Variants in ZNF850 observed in about 807,000 individuals in gnomAD.
ZNF850 encodes putative zinc finger protein ENSP00000330994.
ZNF850 carries 2 observed loss-of-function variants against 11.9 expected under a neutral mutation model. That is an observed-to-expected ratio of 0.17 (90% CI 0.07 to 0.53). The LOEUF (loss-of-function observed/expected upper bound fraction) is 0.53. Ranked by LOEUF, ZNF850 falls within the 20% of genes least tolerant of loss-of-function variation. The pLI is 0.94. For synonymous variants in ZNF850, 381 were observed against 443.0 expected (o/e 0.86, Z 1.76); for missense variants, 1,014 against 1,316.4 (o/e 0.77, Z 3.55).
Position 36,749,171 on chromosome 19 carries a change from C to G in ZNF850, c.1869G>C (p.Gly623=), listed in dbSNP as rs753114385. ...GEKPYDCKEC[G]KAFRLRLRLT... The stretch of plus-strand genomic sequence containing the variant: ...GTCGTAAACGAAGTCTAAAGGCCTT[C>G]CCACATTCCTTACAATCATAAGGTT... The change falls in exon 5 of 5, where the codon GGG becomes GGC. Residue 623 remains glycine, a synonymous_variant. Transcript: ENST00000591344. 1.2e-5 allele frequency: 19 copies of G among 1,605,754 alleles called. No individual in the cohort carries two copies. The East Asian group carries it at 4.3e-4, about 36-fold the overall frequency.
intron 4 of ZNF850, among the ~76,000 whole-genome samples, chr19:36,755,991 C>T (rs1024154688): frequency 6.7e-6 from 1 of 149,590 alleles, no homozygotes; most frequent in East Asian, 2.0e-4. Context: ...CTGCAACCTC[C>T]GCTTCCTGGT....
chr19:36,761,907 A>C (rs2040520689), intron 3 of ZNF850, among the ~76,000 whole-genome samples, 169 bp from the exon 4 acceptor site: 1 of 151,894 alleles, frequency 6.6e-6, no homozygotes, highest in Admixed American at 6.6e-5. Context: ...TTGGCTGGGC[A>C]TGGTGGTGGG....
At position 36,750,237 on chromosome 19, in the gene ZNF850, A is replaced by G. The variant is rs1169043191; in HGVS notation, c.803T>C (p.Leu268Pro). The G allele has an allele frequency of 6.5e-7, 1 of 1,538,430 alleles. No homozygotes were observed. The highest frequency in any genetic ancestry group is 8.7e-7 in the Non-Finnish European group (1 of 1,146,866). The change falls in exon 5 of 5, where the codon CTT (leucine) becomes CCT (proline). Residue 268 changes from leucine (L) to proline (P), a missense_variant. Physicochemically the swap from Leu to Pro is moderately conservative, Grantham distance 98. This residue lies in a region of ZNF850 where 835 missense variants were observed against 1,022.0 expected (regional missense o/e 0.82). Coordinates refer to ENST00000591344, the MANE Select transcript of ZNF850 (RefSeq NM_001193552.2). ...AGTATGAATTCTCCAATGTTGAATA[A>G]GATGTGCAGACGGTCTAAAGGCCTT... ...SVKAFRPSAH[L>P]IQHWRIHTGD...
intron 1 of ZNF850, among the ~76,000 whole-genome samples, chr19:36,770,700 C>A (rs1426890197): frequency 3.5e-5 from 1 of 28,674 alleles, no homozygotes; most frequent in Non-Finnish European, 7.4e-5. Flanking sequence ...AGAGAGACTC[C>A]ATCAAAAAAA....
At position 36,749,195 on chromosome 19, in the gene ZNF850, T is replaced by A; in HGVS notation, c.1845A>T (p.Lys615Asn). The change falls in exon 5 of 5, where the codon AAA (lysine) becomes AAT (asparagine). Residue 615 changes from lysine (K) to asparagine (N), a missense_variant. Transcript: ENST00000591344. ...TCCCACATTCCTTACAATCATAAGG[T>A]TTCTCACCAGTGTGAATTTGCTGAT... ...LQHQQIHTGE[K>N]PYDCKECGKA... 6.2e-7 allele frequency: 1 copy of A among 1,604,528 alleles called. No individual in the cohort carries two copies. The highest frequency in any genetic ancestry group is 1.1e-5 in the South Asian group (1 of 90,226).
At position 36,748,704 on chromosome 19, in the gene ZNF850, T is replaced by C. The variant is rs1475981592; in HGVS notation, c.2336A>G (p.His779Arg). The C allele has an allele frequency of 1.9e-6, 3 of 1,538,918 alleles. No homozygotes were observed. The highest frequency in any genetic ancestry group is 2.6e-6 in the Non-Finnish European group (3 of 1,147,372). Residue 779 changes from histidine (H) to arginine (R), a missense_variant, in exon 5 of 5, where the codon CAC (histidine) becomes CGC (arginine). Around this residue, in one of 2 missense-constraint regions of ZNF850, gnomAD observed 835 missense variants for 1,022.0 expected, o/e 0.82. Transcript: ENST00000591344. ...HSTLIQHQQI[H>R]TGEKLYDCKE... ...ACAATCATAGAGCTTCTCACCAGTGTGTATTTGCTGATGTTGAATTAGTGT... is the reference window on the plus strand; with the variant it reads ...ACAATCATAGAGCTTCTCACCAGTGCGTATTTGCTGATGTTGAATTAGTGT...
In ZNF850 at chr19:36,749,000, C is replaced by T. The variant is rs752451563; in HGVS notation, c.2040G>A (p.Lys680=). 4.0e-5 allele frequency: 64 copies of T among 1,606,230 alleles called. No homozygotes were observed. In the African/African-American group the frequency reaches 8.1e-4, roughly 20 times the overall value. ...EKPYECPDCG[K]AFRQRTYLNQ... ...TAAGGTATGTACGCTGTCTAAAGGC[C>T]TTCCCACAGTCCGGACATTCATAGG... Residue 680 remains lysine, a synonymous_variant, in exon 5 of 5, where the codon AAG becomes AAA. Transcript: ENST00000591344.
At chr19:36,752,375 CA>C (rs982309049) in intron 4 of ZNF850, among the ~76,000 whole-genome samples, 3 of 152,076 alleles carry the variant, frequency 2.0e-5, no homozygotes, top group Non-Finnish European at 4.4e-5. Context: ...AGGGTCATGT[CA>C]AAAAGACTCA....
chr19:36,751,063 C>CT (rs1205394026), intron 4 of ZNF850, among the ~76,000 whole-genome samples: 2 of 76,636 alleles, frequency 2.6e-5, no homozygotes, highest in Non-Finnish European at 4.9e-5. Context: ...AAGACCCTGT[C>CT]TTAAAAAAAA....
At position 36,748,112 on chromosome 19, in the gene ZNF850, G is replaced by C. The variant is rs752726324; in HGVS notation, c.2928C>G (p.Thr976=). ...THLTLHQRIH[T]GDRPYECKEC... is the part of the protein sequence containing the mutation. ...CTTTACATTCATAAGGTCTGTCACC[G>C]GTATGAATTCTCTGATGTAGAGTAA... The change falls in exon 5 of 5, where the codon ACC becomes ACG. Residue 976 remains threonine, a synonymous_variant. Transcript: ENST00000591344. 1 of 1,548,514 alleles carries C rather than the reference G, an allele frequency of 6.5e-7. No individual in the cohort carries two copies. Among genetic ancestry groups the C allele is most frequent in the Non-Finnish European group, 8.7e-7 (1 of 1,150,242 alleles).
intron 1 of ZNF850, among the ~76,000 whole-genome samples, 186 bp from the exon 2 acceptor site, chr19:36,762,861 G>GA (rs2040527402): frequency 6.8e-6 from 1 of 146,580 alleles, no homozygotes; most frequent in African/African-American, 2.5e-5. Context: ...TTTCTTTCTT[G>GA]TTTTTTTTTT....
rs1305001623 is a variant in ZNF850, at chr19:36,744,501, C to T, written c.*3266G>A. 2 of 151,872 alleles carry T rather than the reference C, an allele frequency of 1.3e-5. No individual in the cohort carries two copies. Among genetic ancestry groups the T allele is most frequent in the African/African-American group, 4.8e-5 (2 of 41,308 alleles). The allele number at this position is 151,872 out of a possible 1,614,324, so 9.4% of individuals were successfully genotyped here. On this transcript the variant is annotated 3_prime_UTR_variant, in exon 5 of 5. Coordinates refer to ENST00000591344, the MANE Select transcript of ZNF850 (RefSeq NM_001193552.2). ...AATTAGCTAGGTGTGGTGGTGTGCG[C>T]CTGTAGTCCTTGCTACTCGGGAGGC...
rs2040429161 is a variant in ZNF850 at position 36,748,633 on chromosome 19, G to A, written c.2407C>T (p.His803Tyr). 1.3e-6 allele frequency: 2 copies of A among 1,537,164 alleles called. No individual in the cohort carries two copies. The highest frequency in any genetic ancestry group is 2.7e-5 in the African/African-American group (2 of 73,050). The change falls in exon 5 of 5, where the codon CAT becomes TAT. Residue 803 changes from histidine to tyrosine, a missense_variant. By Grantham distance (83) the His-to-Tyr change is moderately conservative. Around this residue, in one of 2 missense-constraint regions of ZNF850, gnomAD observed 835 missense variants for 1,022.0 expected, o/e 0.82. Coordinates refer to ENST00000591344, the MANE Select transcript of ZNF850 (RefSeq NM_001193552.2). Reference sequence around the variant, plus strand: ...TTCTCACCAGTGTGAAGTGGCTGATGTTGAATTAGTGTTGAATGAGAAGTA... The same window carrying A: ...TTCTCACCAGTGTGAAGTGGCTGATATTGAATTAGTGTTGAATGAGAAGTA... ...SFTSHSTLIQ[H>Y]QPLHTGEKPY...
intron 1 of ZNF850, among the ~76,000 whole-genome samples, chr19:36,767,530 C>G (rs1288779333): frequency 6.6e-6 from 1 of 151,730 alleles, no homozygotes; most frequent in Non-Finnish European, 1.5e-5. Flanking sequence ...GCACTCCAGC[C>G]TGGGCAACAC....
intron 2 of ZNF850, 47 bp downstream of exon 2, chr19:36,762,548 T>A (rs189245837): frequency 2.0e-6 from 3 of 1,536,202 alleles, no homozygotes; most frequent in Middle Eastern, 1.7e-4. Context: ...CCAGCTAGGA[T>A]GAGAGTGGGG....
intron 4 of ZNF850, among the ~76,000 whole-genome samples, chr19:36,753,871 T>C (rs901989129): frequency 6.6e-6 from 1 of 152,130 alleles, no homozygotes; most frequent in African/African-American, 2.4e-5. Flanking sequence ...CAAGAGTCCA[T>C]GCTTTCAACT....
rs1427449750 is a variant in ZNF850, at chr19:36,743,936, T to G, written c.*3831A>C. On this transcript the variant is annotated 3_prime_UTR_variant, in exon 5 of 5. Coordinates refer to ENST00000591344, the MANE Select transcript of ZNF850 (RefSeq NM_001193552.2). ...TGGATCCTGCCTGTAATCCCAGCAC[T>G]TTGGGAGGCCGAGGCAGTCAGATCA... is the stretch of plus-strand genomic sequence containing the variant. The G allele has an allele frequency of 2.0e-5, 3 of 152,046 alleles. No homozygotes were observed. Among genetic ancestry groups the G allele is most frequent in the Admixed American group, 2.0e-4 (3 of 15,260 alleles). 9.4% of individuals were successfully genotyped at this position (152,046 alleles called of 1,614,324 possible). A position where few individuals can be genotyped will look rare whatever the true frequency, so the allele number is the denominator to read the frequency against.
intron 1 of ZNF850, among the ~76,000 whole-genome samples, chr19:36,770,822 C>G (rs1325492002): frequency 7.0e-6 from 1 of 142,618 alleles, no homozygotes; most frequent in African/African-American, 2.6e-5. Context: ...TTGAGAAAAT[C>G]ACAGAACCGT....
chr19:36,772,662 C>G (rs2040593464), intron 1 of ZNF850, 63 bp downstream of exon 1: 1 of 153,582 alleles, frequency 6.5e-6, no homozygotes, highest in African/African-American at 2.4e-5. Context: ...CCATCGCGAT[C>G]ACACACGCAA....
Sources: gnomAD v4.1 joint callset for allele counts (sites outside exome capture counted in the v4.1 genomes callset) on GRCh38, gnomAD v4.1.1 for gene constraint, gnomAD v4.1.1 regional missense constraint, MANE v1.5 for transcripts, NCBI Gene and HGNC (gene_info 2026-07-23, HGNC 2026-07-21) for gene names.